Variants in PTBP1 observed in about 807,000 individuals in gnomAD.
PTBP1 encodes polypyrimidine tract-binding protein 1.
PTBP1 carries 8 observed loss-of-function variants against 59.8 expected under a neutral mutation model. The observed-to-expected ratio is 0.13, with a 90% CI of 0.08 to 0.24. The LOEUF (loss-of-function observed/expected upper bound fraction) is 0.24. Ranked by LOEUF, PTBP1 falls within the 10% of genes least tolerant of loss-of-function variation. The pLI, the probability that PTBP1 is intolerant of heterozygous loss-of-function variation, is 1.00. For synonymous variants in PTBP1, 490 were observed against 320.7 expected, an observed-to-expected ratio of 1.53 and a Z score of -5.64; for missense variants, 686 against 767.0, an observed-to-expected ratio of 0.89 and a Z score of 1.25.
intron 3 of PTBP1, 105 bp from the exon 4 acceptor site, chr19:803,931 C>G (rs1356880522): frequency 2.2e-6 from 3 of 1,351,212 alleles, no homozygotes; most frequent in Non-Finnish European, 3.1e-6. Flanking sequence ...TCCTGGGGCT[C>G]AGGGTTGGTC....
chr19:807,487 A>G (rs907331179), intron 10 of PTBP1: 1 of 232,692 alleles, frequency 4.3e-6, no homozygotes, highest in East Asian at 1.1e-4. Context: ...TGTGACTGAT[A>G]GAACACTACC....
Position 804,909 on chromosome 19 carries a change from G to A in PTBP1, c.687G>A (p.Ala229=), listed in dbSNP as rs149880352. Residue 229 remains alanine (A), a synonymous_variant, in exon 7 of 15, where the codon GCG becomes GCA. Coordinates refer to ENST00000356948, the MANE Select transcript of PTBP1 (RefSeq NM_002819.5). ...AGTTCCAGGCCCTGCTGCAGTATGCGGACCCCGTGAGCGCCCAGCACGCCA... is the reference window on the plus strand; with the variant it reads ...AGTTCCAGGCCCTGCTGCAGTATGCAGACCCCGTGAGCGCCCAGCACGCCA... ...NNQFQALLQY[A]DPVSAQHAKL... The A allele has an allele frequency of 1.2e-5, 19 of 1,613,764 alleles. No individual in the cohort carries two copies. Among genetic ancestry groups the A allele is most frequent in the East Asian group, 8.9e-5 (4 of 44,862 alleles).
chr19:805,867 G>C lies in PTBP1; in HGVS notation c.970+298G>C, dbSNP rs1355013763. The C allele has an allele frequency of 9.1e-6, 4 of 440,236 alleles. No individual in the cohort carries two copies. The Admixed American group carries it at 1.2e-4, about 13-fold the overall frequency. The allele number at this position is 440,236 out of a possible 1,614,324, so 27.3% of individuals were successfully genotyped here. ...CGAGCGCGAGGACCGCCAGTGGTTG[G>C]AGGGATGTCTCTAGTAGTTGAATTT... On this transcript the variant is annotated intron_variant, in intron 9 of 14. Transcript: ENST00000356948.
At position 812,043 on chromosome 19, in the gene PTBP1, G is replaced by A. The variant is rs1356169118; in HGVS notation, c.*1217G>A. 1 of 152,350 alleles carries A rather than the reference G, an allele frequency of 6.6e-6. No homozygotes were observed. Among genetic ancestry groups the A allele is most frequent in the Non-Finnish European group, 1.5e-5 (1 of 68,022 alleles). 9.4% of individuals were successfully genotyped at this position (152,350 alleles called of 1,614,324 possible). A position where few individuals can be genotyped will look rare whatever the true frequency, so the allele number is the denominator to read the frequency against. On this transcript the variant is annotated 3_prime_UTR_variant, in exon 15 of 15. Transcript: ENST00000356948. ...ATATTTATAATTTTTTATACCTGTT[G>A]TGAGACCCGAGGGGCGGCGGCGCGG...
In PTBP1 at chr19:810,658, C is replaced by G. The variant is rs1404291813; in HGVS notation, c.1542-36C>G. The G allele has an allele frequency of 3.7e-6, 6 of 1,612,202 alleles. No homozygotes were observed. The Admixed American group carries it at 6.7e-5, about 18-fold the overall frequency. ...CGGGCTGTCCCTGGCTCTCCCCAGG[C>G]TGCCCTGCGGCCGGCCCTGACCCCC... On this transcript the variant is annotated intron_variant, in intron 14 of 14. Transcript: ENST00000356948.
At chr19:798,592 A>G (rs1272486908) in intron 1 of PTBP1, 3 of 152,270 alleles carry the variant, frequency 2.0e-5, no homozygotes, top group Non-Finnish European at 4.4e-5. Context: ...TCTCGGACCC[A>G]GCACCGCGGG....
Position 806,393 on chromosome 19 carries a change from C to T in PTBP1, c.971-15C>T, listed in dbSNP as rs751947524. 4.6e-5 allele frequency: 73 copies of T among 1,595,368 alleles called. No individual in the cohort carries two copies. The highest frequency in any genetic ancestry group is 1.8e-5 in the Non-Finnish European group (21 of 1,172,050). Reference sequence around the variant, plus strand: ...TCGGGGGCGCCGCCGCTCATCTCACCTCCTGCTTTTCCAGGCCTTTCCGTT... The same window carrying T: ...TCGGGGGCGCCGCCGCTCATCTCACTTCCTGCTTTTCCAGGCCTTTCCGTT... On this transcript the variant is annotated splice_polypyrimidine_tract_variant and intron_variant, in intron 9 of 14. Coordinates refer to ENST00000356948, the MANE Select transcript of PTBP1 (RefSeq NM_002819.5).
intron 2 of PTBP1, among the ~76,000 whole-genome samples, chr19:800,639 A>T (rs1413362265): frequency 6.6e-6 from 1 of 152,172 alleles, no homozygotes; most frequent in Non-Finnish European, 1.5e-5. Flanking sequence ...GGTTTTTCCC[A>T]AGTGGACTGC....
rs1175087466 is a variant in PTBP1 at position 810,718 on chromosome 19, C to T, written c.1566C>T (p.Ile522=). The T allele has an allele frequency of 2.5e-6, 4 of 1,610,464 alleles. No homozygotes were observed. Among genetic ancestry groups the T allele is most frequent in the Non-Finnish European group, 3.4e-6 (4 of 1,179,014 alleles). The part of the protein sequence containing the change: ...FFQKDRKMAL[I]QMGSVEEAVQ... ...GGAAGGACCGCAAGATGGCACTGATCCAGATGGGCTCCGTGGAGGAGGCGG... is the reference window on the plus strand; with the variant it reads ...GGAAGGACCGCAAGATGGCACTGATTCAGATGGGCTCCGTGGAGGAGGCGG... The change falls in exon 15 of 15, where the codon ATC becomes ATT. Residue 522 remains isoleucine (I), a synonymous_variant. Coordinates refer to ENST00000356948, the MANE Select transcript of PTBP1 (RefSeq NM_002819.5).
intron 13 of PTBP1, among the ~76,000 whole-genome samples, chr19:810,181 C>T (rs1027016853): frequency 2.6e-5 from 4 of 152,200 alleles, no homozygotes; most frequent in African/African-American, 4.8e-5. Context: ...GTGTTGCGTG[C>T]CTGTAATCCC....
At chr19:810,492 G>T (rs755561111) in intron 13 of PTBP1, 51 bp from the exon 14 acceptor site, 4 of 1,542,130 alleles carry the variant, frequency 2.6e-6, no homozygotes, top group Non-Finnish European at 3.6e-6. Context: ...GACCTGACTG[G>T]GCGCCCCCAC....
intron 1 of PTBP1, among the ~76,000 whole-genome samples, chr19:798,078 C>G (rs1454408361): frequency 6.6e-6 from 1 of 151,728 alleles, no homozygotes; most frequent in Non-Finnish European, 1.5e-5. Flanking sequence ...GGGCCCGAGT[C>G]TCTGCGCTCC....
At chr19:797,577 C>A in intron 1 of PTBP1, 72 bp downstream of exon 1, 1 of 1,120,338 alleles carries the variant, frequency 8.9e-7, no homozygotes, top group South Asian at 3.0e-5. Context: ...CCGCGCCGGC[C>A]TCCCCGGGGC....
chr19:811,726 G>C lies in PTBP1; in HGVS notation c.*900G>C, dbSNP rs1329356512. On this transcript the variant is annotated 3_prime_UTR_variant, in exon 15 of 15. Coordinates refer to ENST00000356948, the MANE Select transcript of PTBP1 (RefSeq NM_002819.5). ...GCCCCGGTCCTATCTTAGAGCCCCT[G>C]AGCTTCAGGGAAGGGGCGGGCGTGT... 1 of 152,426 alleles carries C rather than the reference G, an allele frequency of 6.6e-6. No homozygotes were observed. Among genetic ancestry groups the C allele is most frequent in the African/African-American group, 2.4e-5 (1 of 41,460 alleles). The allele number at this position is 152,426 out of a possible 1,614,324, so 9.4% of individuals were successfully genotyped here.
In PTBP1 at chr19:810,932, T is replaced by G; in HGVS notation, c.*106T>G. 8.5e-7 allele frequency: 1 copy of G among 1,180,436 alleles called. No homozygotes were observed. Among genetic ancestry groups the G allele is most frequent in the Non-Finnish European group, 1.1e-6 (1 of 875,488 alleles). The allele number at this position is 1,180,436 out of a possible 1,614,324, so 73.1% of individuals were successfully genotyped here. On this transcript the variant is annotated 3_prime_UTR_variant, in exon 15 of 15. Transcript: ENST00000356948. ...TGACCTTAGCAGACCAGAGATTTTA[T>G]TTTTTTAAAGAGAAATCAGTTTACC...
intron 9 of PTBP1, chr19:805,838 C>T (rs888380037): frequency 2.9e-5 from 14 of 486,398 alleles, no homozygotes; most frequent in Non-Finnish European, 4.1e-5. Flanking sequence ...CAAGCACCTC[C>T]GGGCGAGCGC....
At chr19:807,938 CATTA>C (rs749413867) in intron 11 of PTBP1, 36 bp downstream of exon 11, 2 of 1,580,728 alleles carry the variant, frequency 1.3e-6, no homozygotes, top group East Asian at 2.2e-5. Context: ...ACCTTGTTTT[CATTA>C]ATTGAGATGA....
Position 805,493 on chromosome 19 carries a change from T to G in PTBP1, c.894T>G (p.Gly298=). ...SLDQTMAAAF[G]APGIISASPY... ...GATTAGTGTCTCATTTATTTCTAGG[T>G]GCACCTGGTATAATCTCAGCCTCTC... is the stretch of plus-strand genomic sequence containing the variant. The change falls in exon 9 of 15, where the codon GGT becomes GGG. Residue 298 remains glycine (G), a splice_region_variant and synonymous_variant. Transcript: ENST00000356948. 1 of 1,612,778 alleles carries G rather than the reference T, an allele frequency of 6.2e-7. No homozygotes were observed. The highest frequency in any genetic ancestry group is 8.5e-7 in the Non-Finnish European group (1 of 1,178,804).
Position 805,392 on chromosome 19 carries a change from C to T in PTBP1, c.893-100C>T, listed in dbSNP as rs922097861. On this transcript the variant is annotated intron_variant, in intron 8 of 14. Coordinates refer to ENST00000356948, the MANE Select transcript of PTBP1 (RefSeq NM_002819.5). ...GCGGATCTGCCCGCGAAGGCTCTGC[C>T]GGGGCCGCCCGCCGGCCGGGTTGGG... is the stretch of plus-strand genomic sequence containing the variant. 190 of 1,307,530 alleles carry T rather than the reference C, an allele frequency of 1.5e-4. 1 individual carries two copies. Among genetic ancestry groups the T allele is most frequent in the Middle Eastern group, 3.9e-4 (2 of 5,072 alleles). 81.0% of individuals were successfully genotyped at this position (1,307,530 alleles called of 1,614,324 possible).
Sources: allele counts gnomAD v4.1 joint callset (sites outside exome capture counted in the v4.1 genomes callset), GRCh38; gene constraint gnomAD v4.1.1; transcripts MANE v1.5; gene names NCBI Gene and HGNC (gene_info 2026-07-23, HGNC 2026-07-21).